The following AFG2A variants were observed in gnomAD, a reference collection of about 807,000 sequenced individuals.
AFG2A encodes the protein AAA ATPase AFG2A, also known as ATPase family gene 2 protein homolog A.
At chr4:123,261,987 C>T in the AFG2A span, among the ~76,000 whole-genome samples, 1 of 149,086 alleles carries the variant, frequency 6.7e-6, no homozygotes, top group Non-Finnish European at 1.5e-5. Flanking sequence ...TGTTGCCCAG[C>T]CTGGTCTTAA....
At chr4:123,145,804 A>G in the AFG2A span, among the ~76,000 whole-genome samples, 1 of 152,122 alleles carries the variant, frequency 6.6e-6, no homozygotes, top group South Asian at 2.1e-4. Context: ...TCTACTTGAG[A>G]GTGGCATCCT....
chr4:122,972,568 T>C, the AFG2A span, among the ~76,000 whole-genome samples: 2 of 151,510 alleles, frequency 1.3e-5, no homozygotes, highest in Non-Finnish European at 3.0e-5. Context: ...ACATTAAGCC[T>C]ACCAGTGTCC....
At chr4:122,991,373 G>A in the AFG2A span, among the ~76,000 whole-genome samples, 1 of 152,090 alleles carries the variant, frequency 6.6e-6, no homozygotes, top group Non-Finnish European at 1.5e-5. Flanking sequence ...TAGCTTCCTG[G>A]AGGATGAGAG....
At chr4:123,179,451 G>C in the AFG2A span, among the ~76,000 whole-genome samples, 2 of 152,152 alleles carry the variant, frequency 1.3e-5, no homozygotes, top group Non-Finnish European at 2.9e-5. Flanking sequence ...AGTGATTCTT[G>C]ATTCTCATGC....
At chr4:123,293,304 G>A in the AFG2A span, among the ~76,000 whole-genome samples, 1 of 152,176 alleles carries the variant, frequency 6.6e-6, no homozygotes, top group African/African-American at 2.4e-5. Context: ...TAGAATGACA[G>A]TCTTTCTACC....
At chr4:123,158,438 C>T in the AFG2A span, among the ~76,000 whole-genome samples, 4 of 152,122 alleles carry the variant, frequency 2.6e-5, no homozygotes, top group Non-Finnish European at 5.9e-5. Context: ...TTGATATAAA[C>T]TCATTAGAAA....
the AFG2A span, among the ~76,000 whole-genome samples, chr4:123,121,033 G>T: frequency 3.9e-5 from 6 of 152,052 alleles, no homozygotes. Flanking sequence ...ATGTAGAGGT[G>T]GAAGACAGTG....
the AFG2A span, among the ~76,000 whole-genome samples, chr4:122,950,388 G>A: frequency 6.8e-6 from 1 of 146,286 alleles, no homozygotes; most frequent in African/African-American, 2.5e-5. Flanking sequence ...TGCCCAGACT[G>A]GAGCGCAATG....
chr4:122,929,699 AAAG>A, the AFG2A span, among the ~76,000 whole-genome samples: 1 of 32,590 alleles, frequency 3.1e-5, no homozygotes, highest in Non-Finnish European at 9.3e-5. Context: ...ACTGTGTCTC[AAAG>A]AAAAAAAAAG....
chr4:123,065,099 C>T, the AFG2A span, among the ~76,000 whole-genome samples: 1 of 152,196 alleles, frequency 6.6e-6, no homozygotes, highest in African/African-American at 2.4e-5. Flanking sequence ...TACGGTACCA[C>T]ATAGCCCAGG....
the AFG2A span, among the ~76,000 whole-genome samples, chr4:123,088,389 T>C: frequency 6.6e-6 from 1 of 152,274 alleles, no homozygotes; most frequent in South Asian, 2.1e-4. Context: ...TCCGATGTAA[T>C]TTATTGGCAG....
the AFG2A span, chr4:123,028,412 T>G: frequency 6.2e-7 from 1 of 1,609,266 alleles, no homozygotes; most frequent in Non-Finnish European, 8.5e-7. Context: ...TGTTAAATTT[T>G]TTAATCGCTA....
At chr4:123,200,604 T>C in the AFG2A span, among the ~76,000 whole-genome samples, 1 of 152,184 alleles carries the variant, frequency 6.6e-6, no homozygotes. Context: ...TGGCCTTCAG[T>C]TTGGAATAGC....
chr4:122,938,017 A>T, the AFG2A span: 3 of 1,069,178 alleles, frequency 2.8e-6, no homozygotes, highest in Non-Finnish European at 3.9e-6. Flanking sequence ...TTATAATATT[A>T]AGTGAATTCT....
At chr4:123,295,671 C>A in the AFG2A span, among the ~76,000 whole-genome samples, 1 of 152,200 alleles carries the variant, frequency 6.6e-6, no homozygotes, top group Non-Finnish European at 1.5e-5. Context: ...AGTTGAGAAA[C>A]AGAAAGTTCT....
the AFG2A span, among the ~76,000 whole-genome samples, chr4:123,168,989 A>C: frequency 6.6e-6 from 1 of 152,196 alleles, no homozygotes; most frequent in Non-Finnish European, 1.5e-5. Flanking sequence ...CTGGTTAACT[A>C]GTGTCTGTCC....
At chr4:122,979,271 AC>A in the AFG2A span, 1 of 1,613,866 alleles carries the variant, frequency 6.2e-7, no homozygotes, top group Non-Finnish European at 8.5e-7. Context: ...AAACAGCCTA[AC>A]CTCCCTGATG....
the AFG2A span, among the ~76,000 whole-genome samples, chr4:123,097,086 C>T: frequency 6.6e-6 from 1 of 152,042 alleles, no homozygotes; most frequent in Non-Finnish European, 1.5e-5. Flanking sequence ...TCTCCTGCCT[C>T]AGCCTCCCAA....
chr4:123,240,596 C>G, the AFG2A span, among the ~76,000 whole-genome samples: 1 of 152,166 alleles, frequency 6.6e-6, no homozygotes, highest in African/African-American at 2.4e-5. Context: ...AGAACAAAGA[C>G]ACAACGTACC....
Sources: gnomAD v4.1 joint callset for allele counts (sites outside exome capture counted in the v4.1 genomes callset) on GRCh38, gnomAD v4.1.1 for gene constraint, MANE v1.5 for transcripts, NCBI Gene and HGNC (gene_info 2026-07-23, HGNC 2026-07-21) for gene names.